Variants in CYRIB observed in about 807,000 individuals in gnomAD.
CYRIB encodes CYFIP-related Rac1 interactor B.
A neutral mutation model predicts 44.2 loss-of-function variants in CYRIB; 8 were observed. That is an observed-to-expected ratio of 0.18 (90% CI 0.11 to 0.33). The LOEUF (loss-of-function observed/expected upper bound fraction) is 0.33. Ranked by LOEUF, CYRIB falls within the 10% of genes least tolerant of loss-of-function variation. CYRIB has a pLI of 1.00. For synonymous variants in CYRIB, 131 were observed against 127.2 expected (o/e 1.03, Z -0.20); for missense variants, 185 against 382.8 (o/e 0.48, Z 4.31).
chr8:129,883,370 A>G (rs986865958), intron 2 of CYRIB, among the ~76,000 whole-genome samples: 6 of 152,172 alleles, frequency 3.9e-5, no homozygotes, highest in Admixed American at 3.9e-4. Flanking sequence ...CACCCGACTG[A>G]GAATCACTAC....
intron 4 of CYRIB, among the ~76,000 whole-genome samples, chr8:129,865,424 T>C (rs528522257): frequency 4.6e-5 from 7 of 152,202 alleles, no homozygotes; most frequent in Non-Finnish European, 1.0e-4. Flanking sequence ...CTTTAGACAT[T>C]TGCAGAGTGG....
upstream of CYRIB, among the ~76,000 whole-genome samples, chr8:129,943,222 C>T (rs183627016): frequency 2.1e-3 from 319 of 152,078 alleles, no homozygotes; most frequent in African/African-American, 7.0e-3. Flanking sequence ...TAAAACAAAG[C>T]ATGACTCGTT....
chr8:129,999,994 C>T (rs902425977), intron 1 of CYRIB, among the ~76,000 whole-genome samples: 8 of 152,140 alleles, frequency 5.3e-5, no homozygotes, highest in African/African-American at 9.7e-5. Flanking sequence ...CTACTGTTAC[C>T]GTGTCCCCCT....
chr8:130,014,400 T>C (rs554416890), intron 1 of CYRIB, among the ~76,000 whole-genome samples: 2 of 152,308 alleles, frequency 1.3e-5, no homozygotes, highest in East Asian at 3.9e-4. Flanking sequence ...ACTTCTGCAC[T>C]ACTTCAACCT....
intron 1 of CYRIB, among the ~76,000 whole-genome samples, chr8:129,997,083 AG>A (rs2096787766): frequency 2.8e-5 from 3 of 108,066 alleles, no homozygotes; most frequent in Admixed American, 9.7e-5. Flanking sequence ...GGAGGGAGGG[AG>A]GGAAGGAGGG....
At position 129,856,930 on chromosome 8, in the gene CYRIB, C is replaced by T. The variant is rs187910464; in HGVS notation, c.302-1183G>A. On this transcript the variant is annotated intron_variant, in intron 5 of 11. Coordinates refer to ENST00000519824, the Ensembl canonical transcript of CYRIB. ...CTCTGTAACTTTATAAAACATTAAC[C>T]TCCTGATTACTACCAATAGTACCAA... 3.8e-3 allele frequency among the ~76,000 whole-genome samples: 576 copies of T among 152,292 alleles called. 2 individuals carry two copies. Among genetic ancestry groups the T allele is most frequent in the South Asian group, 0.019 (91 of 4,830 alleles).
chr8:129,950,431 G>A (rs988512449), intron 2 of CYRIB, among the ~76,000 whole-genome samples: 1 of 152,138 alleles, frequency 6.6e-6, no homozygotes, highest in Non-Finnish European at 1.5e-5. Context: ...TTAGCCAGAC[G>A]TGGTGACGTG....
intron 11 of CYRIB, among the ~76,000 whole-genome samples, chr8:129,845,362 G>C (rs2039285497): frequency 6.6e-6 from 1 of 152,112 alleles, no homozygotes; most frequent in African/African-American, 2.4e-5. Flanking sequence ...TGAGACACAG[G>C]GAGTATTCAG....
In CYRIB at chr8:129,913,776, T is replaced by G. The variant is rs572092301; in HGVS notation, c.-49-10426A>C. 3.9e-5 allele frequency among the ~76,000 whole-genome samples: 6 copies of G among 152,156 alleles called. No individual in the cohort carries two copies. The East Asian group carries it at 1.2e-3, about 29-fold the overall frequency. The stretch of plus-strand genomic sequence containing the variant: ...AATACCTACCACCTAATTGGGTTAT[T>G]ATGAAGATTAAATAAGAATATGTCT... On this transcript the variant is annotated intron_variant, in intron 1 of 11. Coordinates refer to ENST00000519824, the Ensembl canonical transcript of CYRIB.
chr8:129,990,461 GGTGTGT>G (rs373091317), intron 1 of CYRIB, among the ~76,000 whole-genome samples: 1 of 149,984 alleles, frequency 6.7e-6, no homozygotes, highest in Admixed American at 6.7e-5. Flanking sequence ...AGAACAATAC[GGTGTGT>G]GTGTGTGTGC....
chr8:129,941,273 A>T (rs3935638), upstream of CYRIB, among the ~76,000 whole-genome samples: 21,311 of 125,722 alleles, frequency 0.17, 2,185 homozygotes, highest in Middle Eastern at 0.27. Flanking sequence ...ACTGAAGGAG[A>T]TTTTTTTTTT....
upstream of CYRIB, among the ~76,000 whole-genome samples, chr8:129,941,306 C>A (rs947820514): frequency 5.1e-5 from 7 of 136,308 alleles, no homozygotes; most frequent in Non-Finnish European, 1.1e-4. Context: ...GATGGAGTCT[C>A]GCTGTCACCC....
At chr8:129,990,442 A>G (rs1591919115) in intron 1 of CYRIB, among the ~76,000 whole-genome samples, 1 of 152,006 alleles carries the variant, frequency 6.6e-6, no homozygotes, top group Non-Finnish European at 1.5e-5. Context: ...TGAGCAAATG[A>G]ATAGGTAAAG....
intron 4 of CYRIB, 63 bp downstream of exon 6, chr8:129,871,312 G>A: frequency 6.5e-7 from 1 of 1,531,340 alleles, no homozygotes; most frequent in Middle Eastern, 1.7e-4. Flanking sequence ...TAGAAAACAA[G>A]AGATTACAAA....
intron 1 of CYRIB, among the ~76,000 whole-genome samples, chr8:129,973,852 C>A (rs1591513060): frequency 6.6e-6 from 1 of 152,196 alleles, no homozygotes; most frequent in East Asian, 1.9e-4. Flanking sequence ...GCCTTCTAAC[C>A]AACTCCCTCC....
At chr8:129,944,549 G>A (rs1408930904), upstream of CYRIB, among the ~76,000 whole-genome samples, 16 of 152,092 alleles carry the variant, frequency 1.1e-4, no homozygotes, top group Admixed American at 5.2e-4. Context: ...GTGAGAGGCC[G>A]ATGCAGGTGG....
At chr8:129,918,613 C>A (rs996398985) in intron 1 of CYRIB, among the ~76,000 whole-genome samples, 1 of 152,132 alleles carries the variant, frequency 6.6e-6, no homozygotes, top group South Asian at 2.1e-4. Context: ...TCTCTGTAGG[C>A]CTCACAGCAC....
chr8:129,952,082 G>A (rs2094533105), intron 2 of CYRIB, among the ~76,000 whole-genome samples: 1 of 152,228 alleles, frequency 6.6e-6, no homozygotes, highest in East Asian at 1.9e-4. Flanking sequence ...CTTCGCTCTT[G>A]TTGCCCAGGC....
chr8:129,871,226 C>T (rs1223489794), intron 4 of CYRIB, 149 bp downstream of exon 6: 4 of 853,816 alleles, frequency 4.7e-6, no homozygotes, highest in Non-Finnish European at 5.1e-6. Context: ...CATTTCACTG[C>T]AATCACTTCT....
Sources: gnomAD v4.1 joint callset for allele counts (sites outside exome capture counted in the v4.1 genomes callset) on GRCh38, gnomAD v4.1.1 for gene constraint, MANE v1.5 for transcripts, NCBI Gene and HGNC (gene_info 2026-07-23, HGNC 2026-07-21) for gene names.